FOXP2: variants seen among roughly 807,000 people sequenced by gnomAD.
The protein encoded by FOXP2 is forkhead box P2, also known as forkhead box protein P2.
A neutral mutation model predicts 115.8 loss-of-function variants in FOXP2; 12 were observed. The ratio of observed to expected loss-of-function variants is 0.10; its 90% CI spans 0.07 to 0.17. FOXP2 has a LOEUF of 0.17. Ranked by LOEUF, FOXP2 falls within the 10% of genes least tolerant of loss-of-function variation. The probability of loss-of-function intolerance (pLI) is 1.00; values close to 1 mark genes in which losing one functional copy is unlikely to be tolerated. For missense variants in FOXP2, 629 were observed against 843.5 expected (o/e 0.75, Z 3.15); for synonymous variants, 328 against 297.7 (o/e 1.10, Z -1.05).
intron 16 of FOXP2, chr7:114,669,131 G>A (rs1468932481): frequency 7.2e-5 from 11 of 151,914 alleles, no homozygotes; most frequent in Non-Finnish European, 1.2e-4. Context: ...TCCACTTTGA[G>A]TAGAATGAGG....
chr7:114,498,899 AC>A (rs1471491299), intron 2 of FOXP2: 2 of 717,902 alleles, frequency 2.8e-6, no homozygotes, highest in African/African-American at 3.5e-5. Context: ...GTTGTCTCTT[AC>A]ACCCAGGTTA....
In FOXP2 at chr7:114,643,382, A is replaced by C. The variant is rs1805691390; in HGVS notation, c.989+759A>C. 2.0e-5 allele frequency among the ~76,000 whole-genome samples: 3 copies of C among 152,344 alleles called. No homozygotes were observed. The South Asian group carries it at 6.2e-4, about 32-fold the overall frequency. On this transcript the variant is annotated intron_variant, in intron 7 of 16. Coordinates refer to ENST00000350908, the MANE Select transcript of FOXP2 (RefSeq NM_014491.4). ...GAAATCAGAGAACAGATAAATATAT[A>C]AACACAAGCATAATAAGCTAGATGA...
intron 3 of FOXP2, among the ~76,000 whole-genome samples, chr7:114,561,734 TA>T (rs1313289425): frequency 6.6e-6 from 1 of 152,210 alleles, no homozygotes; most frequent in Non-Finnish European, 1.5e-5. Flanking sequence ...TCGATTCCTT[TA>T]AAAATGTTCT....
intron 2 of FOXP2, among the ~76,000 whole-genome samples, chr7:114,394,288 T>C (rs1288077699): frequency 6.6e-6 from 1 of 151,916 alleles, no homozygotes. Context: ...ACTGATTAAA[T>C]TGGAGACATT....
At chr7:114,328,213 T>G (rs572898642) in intron 2 of FOXP2, among the ~76,000 whole-genome samples, 2 of 150,166 alleles carry the variant, frequency 1.3e-5, no homozygotes, top group African/African-American at 4.9e-5. Flanking sequence ...GCCAGTGCTC[T>G]CAGCCCTTTC....
chr7:114,401,356 C>T (rs1584696170), intron 2 of FOXP2, among the ~76,000 whole-genome samples: 2 of 152,046 alleles, frequency 1.3e-5, no homozygotes, highest in African/African-American at 2.4e-5. Context: ...GAAACTTTTG[C>T]TTTTTTAAAG....
intron 2 of FOXP2, among the ~76,000 whole-genome samples, chr7:114,289,463 C>A (rs1429300490): frequency 6.6e-6 from 1 of 151,696 alleles, no homozygotes; most frequent in Non-Finnish European, 1.5e-5. Context: ...GTATGTTTGC[C>A]ATAGATAATG....
upstream of FOXP2, among the ~76,000 whole-genome samples, chr7:114,160,217 A>G (rs1311533996): frequency 6.6e-6 from 1 of 152,038 alleles, no homozygotes; most frequent in Non-Finnish European, 1.5e-5. Context: ...CTTGAGGAGG[A>G]GGGATTCTAG....
chr7:114,279,158 A>G (rs995104736), intron 1 of FOXP2, among the ~76,000 whole-genome samples: 1 of 152,182 alleles, frequency 6.6e-6, no homozygotes, highest in East Asian at 1.9e-4. Context: ...AACAAATACC[A>G]TATCCTGGAT....
rs554394648 is a variant in FOXP2, at chr7:114,262,484, T to C, written c.-101-25535T>C. Among the ~76,000 whole-genome samples the C allele has an allele frequency of 7.9e-5, 12 of 152,248 alleles. No homozygotes were observed. In the South Asian group the frequency reaches 2.3e-3, roughly 29 times the overall value. ...CCCTAAACCTCAGCATCACTCAGTATACCCAGGTAACAAACCTGCACATAT... is the reference window on the plus strand; with the variant it reads ...CCCTAAACCTCAGCATCACTCAGTACACCCAGGTAACAAACCTGCACATAT... On this transcript the variant is annotated intron_variant, in intron 1 of 17. Coordinates refer to the FOXP2 transcript ENST00000634411.
intron 1 of FOXP2, among the ~76,000 whole-genome samples, chr7:114,275,125 T>C (rs1229693111): frequency 6.6e-6 from 1 of 152,098 alleles, no homozygotes; most frequent in Non-Finnish European, 1.5e-5. Context: ...TTGAGAATTA[T>C]AAACTTAGGT....
intron 2 of FOXP2, among the ~76,000 whole-genome samples, chr7:114,341,214 C>T (rs1405314317): frequency 6.6e-6 from 1 of 150,950 alleles, no homozygotes; most frequent in African/African-American, 2.4e-5. Context: ...TTAGCAGCAG[C>T]CAAGATATTA....
chr7:114,556,470 T>TC (rs1431906023), intron 3 of FOXP2, among the ~76,000 whole-genome samples: 2 of 152,004 alleles, frequency 1.3e-5, no homozygotes, highest in African/African-American at 2.4e-5. Context: ...TCTGAATTGC[T>TC]CCCCCCTAAG....
intron 2 of FOXP2, among the ~76,000 whole-genome samples, chr7:114,385,641 C>T (rs562773107): frequency 6.6e-6 from 1 of 152,166 alleles, no homozygotes; most frequent in Non-Finnish European, 1.5e-5. Flanking sequence ...AGTTCGGCGA[C>T]CATGCTAATC....
intron 1 of FOXP2, among the ~76,000 whole-genome samples, chr7:114,213,493 T>C (rs1794409291): frequency 6.6e-6 from 1 of 152,210 alleles, no homozygotes; most frequent in Non-Finnish European, 1.5e-5. Context: ...TAATCTTGAT[T>C]CTTATTTGAC....
At chr7:114,086,480 C>G (rs747378886), upstream of FOXP2, 12 of 349,260 alleles carry the variant, frequency 3.4e-5, no homozygotes, top group East Asian at 1.5e-4. Flanking sequence ...CGGCCCCCCC[C>G]CTCCCCGGGC....
At chr7:114,463,054 G>A (rs768305110) in intron 2 of FOXP2, 4 of 431,672 alleles carry the variant, frequency 9.3e-6, no homozygotes, top group African/African-American at 2.1e-5. Context: ...TTAGAGACAG[G>A]GTCTTGTTCT....
chr7:114,426,455 T>C (rs1245868444), intron 1 of FOXP2, 47 bp from the exon 2 acceptor site: 8 of 1,552,864 alleles, frequency 5.2e-6, no homozygotes, highest in Middle Eastern at 3.4e-4. Flanking sequence ...ATAATGGAAG[T>C]GTGAAGGTGT....
intron 3 of FOXP2, among the ~76,000 whole-genome samples, chr7:114,588,000 G>T (rs1476478868): frequency 6.6e-6 from 1 of 151,072 alleles, no homozygotes; most frequent in Non-Finnish European, 1.5e-5. Flanking sequence ...CCCTATTGTT[G>T]AATTAGATGT....
Sources: allele counts gnomAD v4.1 joint callset (sites outside exome capture counted in the v4.1 genomes callset), GRCh38; gene constraint gnomAD v4.1.1; transcripts MANE v1.5; gene names NCBI Gene and HGNC (gene_info 2026-07-23, HGNC 2026-07-21).